Variants in SPRED2 observed in about 807,000 individuals in gnomAD.
SPRED2 encodes sprouty related EVH1 domain containing 2.
SPRED2 carries 47 observed loss-of-function variants against 43.0 expected under a neutral mutation model. That is an observed-to-expected ratio of 1.09 (90% CI 0.87 to 1.40). The LOEUF (loss-of-function observed/expected upper bound fraction) is 1.40, where lower values mean the gene tolerates loss of function less well. Ranked by LOEUF, SPRED2 falls within the 40% of genes most tolerant of loss-of-function variation. The pLI, the probability that SPRED2 is intolerant of heterozygous loss-of-function variation, is 0.00. For missense variants in SPRED2, 561 were observed against 586.4 expected (o/e 0.96, Z 0.45); for synonymous variants, 225 against 225.7 (o/e 1.00, Z 0.03).
chr2:65,418,264 T>C (rs987393077), intron 1 of SPRED2, among the ~76,000 whole-genome samples: 3 of 152,204 alleles, frequency 2.0e-5, no homozygotes, highest in African/African-American at 7.2e-5. Flanking sequence ...AATACGTGCT[T>C]TGTCAGCCTG....
chr2:65,422,104 A>ACACACACTCACT (rs1299857849), intron 1 of SPRED2, among the ~76,000 whole-genome samples: 1 of 128,938 alleles, frequency 7.8e-6, no homozygotes, highest in Non-Finnish European at 1.7e-5. Context: ...ACACACACAC[A>ACACACACTCACT]CTCTCTCTCT....
At chr2:65,327,185 A>G (rs114670301) in intron 4 of SPRED2, among the ~76,000 whole-genome samples, 1,668 of 152,228 alleles carry the variant, frequency 0.011, 18 homozygotes, top group African/African-American at 0.038. Flanking sequence ...TGATATGTTG[A>G]TATGAAAGAA....
intron 3 of SPRED2, among the ~76,000 whole-genome samples, chr2:65,332,579 C>T (rs1385229406): frequency 1.3e-5 from 2 of 152,230 alleles, no homozygotes; most frequent in African/African-American, 4.8e-5. Flanking sequence ...TGTTGTATTT[C>T]TAAATCCCAA....
chr2:65,363,325 T>A (rs959689606), intron 1 of SPRED2, among the ~76,000 whole-genome samples: 5 of 151,246 alleles, frequency 3.3e-5, no homozygotes, highest in Middle Eastern at 3.5e-3. Flanking sequence ...ACAATCCAGG[T>A]GCAGTTGACG....
intron 1 of SPRED2, 50 bp downstream of exon 1, chr2:65,431,912 C>T (rs780612255): frequency 6.2e-7 from 1 of 1,610,284 alleles, no homozygotes; most frequent in South Asian, 1.1e-5. Flanking sequence ...GCCCCGGCCC[C>T]CACGCTGCCC....
chr2:65,308,711 A>G (rs1672991018), downstream of SPRED2: 2 of 383,516 alleles, frequency 5.2e-6, no homozygotes, highest in South Asian at 2.1e-4. Flanking sequence ...AATCTGAGAA[A>G]ACTCAGAAAG....
At chr2:65,413,504 T>C (rs887814042) in intron 1 of SPRED2, among the ~76,000 whole-genome samples, 1 of 152,330 alleles carries the variant, frequency 6.6e-6, no homozygotes, top group East Asian at 1.9e-4. Context: ...CTGTGTTGTG[T>C]TGTCTGCAGG....
intron 1 of SPRED2, among the ~76,000 whole-genome samples, chr2:65,412,161 A>T (rs1156913755): frequency 6.6e-6 from 1 of 151,912 alleles, no homozygotes; most frequent in Non-Finnish European, 1.5e-5. Flanking sequence ...AAAAAGAAAA[A>T]GAAAATGAAC....
chr2:65,427,135 G>A (rs1045196041), intron 1 of SPRED2, among the ~76,000 whole-genome samples: 8 of 152,066 alleles, frequency 5.3e-5, no homozygotes, highest in Non-Finnish European at 1.0e-4. Context: ...GCAGTGGTAC[G>A]ATCACAGCTC....
rs80245087 is a variant in SPRED2, at chr2:65,385,531, G to A, written c.27-40635C>T. 5.5e-3 allele frequency among the ~76,000 whole-genome samples: 839 copies of A among 152,248 alleles called. 4 individuals are homozygous for A. The highest frequency in any genetic ancestry group is 0.018 in the African/African-American group (754 of 41,524). On this transcript the variant is annotated intron_variant, in intron 1 of 5. Transcript: ENST00000356388. ...GCCAGTGCTGCAGTGGAGGGGAGGCGTGGCAGAGGGATGGGAGTTAGGAGA... is the reference window on the plus strand; with the variant it reads ...GCCAGTGCTGCAGTGGAGGGGAGGCATGGCAGAGGGATGGGAGTTAGGAGA...
chr2:65,410,188 G>A (rs1275238552), intron 1 of SPRED2, among the ~76,000 whole-genome samples: 1 of 152,106 alleles, frequency 6.6e-6, no homozygotes, highest in African/African-American at 2.4e-5. Flanking sequence ...AGTGAGCTTT[G>A]ATCATGCCAC....
At chr2:65,408,367 A>ATGCATATTTT (rs1676073180) in intron 1 of SPRED2, among the ~76,000 whole-genome samples, 1 of 152,218 alleles carries the variant, frequency 6.6e-6, no homozygotes, top group South Asian at 2.1e-4. Context: ...AGTATAAGGT[A>ATGCATATTTT]GAGTCAGAAT....
At chr2:65,384,943 A>G (rs1178137851) in intron 1 of SPRED2, among the ~76,000 whole-genome samples, 1 of 149,746 alleles carries the variant, frequency 6.7e-6, no homozygotes, top group African/African-American at 2.5e-5. Context: ...TTTCTATGGT[A>G]TGTTCACTAG....
chr2:65,320,086 G>A (rs1673367750), intron 4 of SPRED2, among the ~76,000 whole-genome samples: 1 of 152,166 alleles, frequency 6.6e-6, no homozygotes, highest in African/African-American at 2.4e-5. Flanking sequence ...CAGTACAAAG[G>A]TTACTACAGA....
intron 1 of SPRED2, among the ~76,000 whole-genome samples, chr2:65,426,123 C>T (rs1406863815): frequency 6.6e-6 from 1 of 152,154 alleles, no homozygotes. Flanking sequence ...AGAAACAGGC[C>T]CTGTCTTATT....
intron 4 of SPRED2, among the ~76,000 whole-genome samples, chr2:65,324,547 C>T (rs927081307): frequency 1.3e-5 from 2 of 152,178 alleles, no homozygotes; most frequent in East Asian, 3.9e-4. Flanking sequence ...AATATGATCT[C>T]TTGTTCTTGG....
chr2:65,315,635 C>T (rs79426158), intron 5 of SPRED2, among the ~76,000 whole-genome samples: 1 of 152,158 alleles, frequency 6.6e-6, no homozygotes, highest in South Asian at 2.1e-4. Flanking sequence ...AAGTTAATTT[C>T]CATCTACTGC....
At chr2:65,315,995 A>G (rs1673221401) in intron 5 of SPRED2, among the ~76,000 whole-genome samples, 1 of 152,250 alleles carries the variant, frequency 6.6e-6, no homozygotes, top group Non-Finnish European at 1.5e-5. Flanking sequence ...TTAATCCCAA[A>G]ATATTAGGAA....
In SPRED2 at chr2:65,344,762, C is replaced by CGTCCATTG; in HGVS notation, c.153_160dup (p.Arg54ProfsTer25). The CGTCCATTG allele has an allele frequency of 6.2e-7, 1 of 1,614,176 alleles. No individual in the cohort carries two copies. Among genetic ancestry groups the CGTCCATTG allele is most frequent in the Non-Finnish European group, 8.5e-7 (1 of 1,180,020 alleles). ...TTCACCATGGATGAGAAAGCCGCTTCGTCCATTGCCTTCGGGGTGCATGAC... is the reference window on the plus strand; with the variant it reads ...TTCACCATGGATGAGAAAGCCGCTTCGTCCATTGGTCCATTGCCTTCGGGGTGCATGAC... On this transcript the variant is annotated frameshift_variant, in exon 2 of 6. Coordinates refer to ENST00000356388, the MANE Select transcript of SPRED2 (RefSeq NM_181784.3). LOFTEE classifies it high-confidence loss of function.
Sources: gnomAD v4.1 joint callset for allele counts (sites outside exome capture counted in the v4.1 genomes callset) on GRCh38, gnomAD v4.1.1 for gene constraint, MANE v1.5 for transcripts, NCBI Gene and HGNC (gene_info 2026-07-23, HGNC 2026-07-21) for gene names.